ITGB5: variants seen among roughly 807,000 people sequenced by gnomAD.
ITGB5 encodes integrin beta-5.
In ITGB5, 38 loss-of-function variants were observed where a neutral mutation model predicts 84.8. That is an observed-to-expected ratio of 0.45 (90% confidence interval 0.35 to 0.59). The LOEUF is 0.59. Among genes scored for constraint, ITGB5 ranks in the 20% least tolerant of loss-of-function variants. ITGB5 has a pLI of 0.01. For missense variants in ITGB5, 905 were observed against 1,034.5 expected, an observed-to-expected ratio of 0.87 and a Z score of 1.72; for synonymous variants, 393 against 414.4, an observed-to-expected ratio of 0.95 and a Z score of 0.63.
chr3:124,892,680 G>A (rs1311180250), upstream of ITGB5, among the ~76,000 whole-genome samples: 1 of 134,416 alleles, frequency 7.4e-6, no homozygotes, highest in Non-Finnish European at 1.5e-5. Context: ...GGGTGACAGA[G>A]GGAGACTCTG....
intron 13 of ITGB5, 113 bp downstream of exon 13, chr3:124,766,113 T>G: frequency 8.9e-7 from 1 of 1,125,824 alleles, no homozygotes; most frequent in Non-Finnish European, 1.3e-6. Context: ...CTCCCTGCAG[T>G]TTCAAAAGGC....
chr3:124,834,516 AAGGAGGGAGG>A (rs2064901987), intron 5 of ITGB5, among the ~76,000 whole-genome samples: 1 of 99,206 alleles, frequency 1.0e-5, no homozygotes. Flanking sequence ...GGAGGGAAGG[AAGGAGGGAGG>A]CGAGGAAGGG....
intron 10 of ITGB5, among the ~76,000 whole-genome samples, chr3:124,776,792 G>T (rs1342338071): frequency 6.6e-6 from 1 of 152,218 alleles, no homozygotes; most frequent in Non-Finnish European, 1.5e-5. Context: ...TCTAATTGTT[G>T]CTGGCTGCAC....
chr3:124,801,610 C>G (rs796202998), intron 9 of ITGB5, among the ~76,000 whole-genome samples: 4 of 152,308 alleles, frequency 2.6e-5, no homozygotes, highest in African/African-American at 9.6e-5. Flanking sequence ...CTGATGACAC[C>G]TGAACTGTGT....
intron 1 of ITGB5, among the ~76,000 whole-genome samples, chr3:124,874,425 C>A (rs2107641437): frequency 6.6e-6 from 1 of 152,090 alleles, no homozygotes; most frequent in African/African-American, 2.4e-5. Context: ...TCCATGCTAT[C>A]CAGTCTAAAA....
chr3:124,875,452 G>A (rs1343908550), intron 1 of ITGB5, among the ~76,000 whole-genome samples: 1 of 149,144 alleles, frequency 6.7e-6, no homozygotes, highest in African/African-American at 2.5e-5. Flanking sequence ...ACTCCACCCT[G>A]GGTGACAGAG....
intron 8 of ITGB5, among the ~76,000 whole-genome samples, chr3:124,812,410 A>C (rs2064518966): frequency 6.6e-6 from 1 of 152,150 alleles, no homozygotes; most frequent in African/African-American, 2.4e-5. Context: ...GGGTGGGAGC[A>C]GACTTTATGG....
intron 9 of ITGB5, among the ~76,000 whole-genome samples, chr3:124,804,032 C>T (rs777474281): frequency 3.6e-4 from 55 of 152,206 alleles, no homozygotes; most frequent in Non-Finnish European, 7.3e-4. Flanking sequence ...TAACTGTATT[C>T]CTGCTTTCCA....
intron 1 of ITGB5, among the ~76,000 whole-genome samples, chr3:124,874,476 A>G (rs2107641515): frequency 6.6e-6 from 1 of 152,334 alleles, no homozygotes; most frequent in Non-Finnish European, 1.5e-5. Context: ...GTCATTTTTC[A>G]CAGAAATAGA....
chr3:124,815,972 A>G (rs898139500), intron 8 of ITGB5, among the ~76,000 whole-genome samples: 3 of 152,206 alleles, frequency 2.0e-5, no homozygotes, highest in Non-Finnish European at 4.4e-5. Flanking sequence ...AGGGCCAGAG[A>G]ACAGAAAAGA....
chr3:124,807,185 G>A (rs929932796), intron 9 of ITGB5, among the ~76,000 whole-genome samples: 3 of 152,220 alleles, frequency 2.0e-5, no homozygotes, highest in Non-Finnish European at 4.4e-5. Flanking sequence ...GGAGGCTGCA[G>A]TGGAAGGATC....
intron 9 of ITGB5, among the ~76,000 whole-genome samples, chr3:124,802,476 G>A (rs1239753113): frequency 6.6e-6 from 1 of 152,192 alleles, no homozygotes; most frequent in Non-Finnish European, 1.5e-5. Flanking sequence ...GGGGATCAGA[G>A]GAACTGACAG....
intron 10 of ITGB5, among the ~76,000 whole-genome samples, chr3:124,782,103 T>C (rs2064013816): frequency 6.6e-6 from 1 of 152,242 alleles, no homozygotes; most frequent in Non-Finnish European, 1.5e-5. Context: ...TAAAACTTTA[T>C]GGAATTCTTA....
At chr3:124,828,070 C>T (rs961674692) in intron 5 of ITGB5, among the ~76,000 whole-genome samples, 4 of 149,756 alleles carry the variant, frequency 2.7e-5, no homozygotes, top group East Asian at 2.0e-4. Flanking sequence ...CTTTATTGTT[C>T]GCGCAAAGCC....
chr3:124,862,709 C>A (rs2065322794), intron 2 of ITGB5: 1 of 152,140 alleles, frequency 6.6e-6, no homozygotes, highest in South Asian at 2.1e-4. Flanking sequence ...ATGTTAGGAG[C>A]AAAGCCCTCT....
chr3:124,833,708 C>T (rs773610357), intron 5 of ITGB5, among the ~76,000 whole-genome samples: 1 of 152,202 alleles, frequency 6.6e-6, no homozygotes, highest in Non-Finnish European at 1.5e-5. Flanking sequence ...TCCTGAACTT[C>T]AGAAGCATAA....
At chr3:124,814,019 A>G (rs1225942800) in intron 8 of ITGB5, among the ~76,000 whole-genome samples, 1 of 152,164 alleles carries the variant, frequency 6.6e-6, no homozygotes, top group East Asian at 1.9e-4. Context: ...ATGGTCTTGG[A>G]AACTCTGTGT....
intron 9 of ITGB5, among the ~76,000 whole-genome samples, chr3:124,798,545 A>C (rs1268214778): frequency 6.6e-6 from 1 of 151,336 alleles, no homozygotes; most frequent in Non-Finnish European, 1.5e-5. Context: ...TCAGCCTCTC[A>C]AATAGCTGGG....
chr3:124,832,907 G>C (rs1031404520), intron 5 of ITGB5: 1 of 152,286 alleles, frequency 6.6e-6, no homozygotes, highest in African/African-American at 2.4e-5. Flanking sequence ...TCCCACAGTA[G>C]ATCTGAGCTT....
Sources: allele counts gnomAD v4.1 joint callset (sites outside exome capture counted in the v4.1 genomes callset), GRCh38; gene constraint gnomAD v4.1.1; transcripts MANE v1.5; gene names NCBI Gene and HGNC (gene_info 2026-07-23, HGNC 2026-07-21).